Variants in ZNF705A observed in about 807,000 individuals in gnomAD.
The protein encoded by ZNF705A is zinc finger protein 705A.
In ZNF705A, 8 loss-of-function variants were observed where a neutral mutation model predicts 16.6. The observed-to-expected ratio is 0.48, with a 90% CI of 0.28 to 0.87. The LOEUF is 0.87. Ranked by LOEUF, ZNF705A falls within the 40% of genes least tolerant of loss-of-function variation. ZNF705A has a pLI of 0.10. For synonymous variants in ZNF705A, 73 were observed against 117.3 expected (o/e 0.62, Z 2.44); for missense variants, 233 against 359.9 (o/e 0.65, Z 2.85).
rs1237823992 is a variant in ZNF705A, at chr12:8,167,115, C to T, written c.-71-5440C>T. 3.9e-5 allele frequency among the ~76,000 whole-genome samples: 6 copies of T among 152,244 alleles called. No individual in the cohort carries two copies. In the East Asian group the frequency reaches 1.2e-3, roughly 29 times the overall value. On this transcript the variant is annotated intron_variant, in intron 1 of 5. Coordinates refer to the ZNF705A transcript ENST00000396570. ...CATTGAAACTTTTTATATCTATTCA[C>T]CTTCCATTTGTTTTCAAGTCCAGTT...
At chr12:8,167,798 G>A (rs940228749), upstream of ZNF705A, among the ~76,000 whole-genome samples, 17 of 152,282 alleles carry the variant, frequency 1.1e-4, no homozygotes, top group African/African-American at 3.1e-4. Flanking sequence ...GGCATACAGC[G>A]GAAAAAGAGA....
intron 1 of ZNF705A, among the ~76,000 whole-genome samples, chr12:8,157,963 T>C (rs1948323385): frequency 6.6e-6 from 1 of 152,088 alleles, no homozygotes; most frequent in Admixed American, 6.6e-5. Flanking sequence ...GGTACACAAT[T>C]GTTTGTCAGG....
upstream of ZNF705A, among the ~76,000 whole-genome samples, chr12:8,169,885 C>T (rs1948430662): frequency 6.6e-6 from 1 of 152,080 alleles, no homozygotes; most frequent in Non-Finnish European, 1.5e-5. Flanking sequence ...TGGCTCCTTC[C>T]TCATGACTTT....
chr12:8,164,965 G>GCCAC, intron 1 of ZNF705A, among the ~76,000 whole-genome samples: 1 of 152,112 alleles, frequency 6.6e-6, no homozygotes, highest in African/African-American at 2.4e-5. Context: ...GTGTAAAAGT[G>GCCAC]TTCTTATATC....
chr12:8,163,374 C>T (rs1196481516), intron 1 of ZNF705A, among the ~76,000 whole-genome samples: 1 of 152,048 alleles, frequency 6.6e-6, no homozygotes, highest in African/African-American at 2.4e-5. Context: ...TCTTAGTCTA[C>T]ATCTAATAAA....
At chr12:8,170,173 G>C (rs1247849306), upstream of ZNF705A, among the ~76,000 whole-genome samples, 4 of 134,616 alleles carry the variant, frequency 3.0e-5, no homozygotes, top group Non-Finnish European at 6.0e-5. Context: ...TGGGCAACAA[G>C]AGCGAAACTC....
At chr12:8,162,308 G>A (rs1346148818) in intron 1 of ZNF705A, among the ~76,000 whole-genome samples, 1 of 152,130 alleles carries the variant, frequency 6.6e-6, no homozygotes, top group African/African-American at 2.4e-5. Context: ...ACTAAATCAA[G>A]TCTTAAAATT....
exon 4 of ZNF705A, chr12:8,175,900 G>T: frequency 6.2e-7 from 1 of 1,611,526 alleles, no homozygotes; most frequent in Non-Finnish European, 8.5e-7. Flanking sequence ...TGATATCCAT[G>T]CATCCTATCA....
chr12:8,170,016 C>T (rs1012703665), upstream of ZNF705A, among the ~76,000 whole-genome samples: 1 of 152,124 alleles, frequency 6.6e-6, no homozygotes, highest in Middle Eastern at 3.4e-3. Context: ...ATGGAGAAAC[C>T]CCGTCTCGAC....
At chr12:8,170,196 CA>C (rs1188328005), upstream of ZNF705A, among the ~76,000 whole-genome samples, 85 of 126,510 alleles carry the variant, frequency 6.7e-4, no homozygotes, top group Middle Eastern at 8.2e-3. Flanking sequence ...CCCCCCCCCC[CA>C]AAAAAAAAAA....
intron 1 of ZNF705A, among the ~76,000 whole-genome samples, chr12:8,159,249 C>G (rs781661563): frequency 2.0e-5 from 3 of 152,132 alleles, no homozygotes; most frequent in Non-Finnish European, 2.9e-5. Flanking sequence ...CATGACTTTG[C>G]AATTATGAAT....
chr12:8,169,854 G>A (rs972001618), upstream of ZNF705A, among the ~76,000 whole-genome samples: 19 of 152,218 alleles, frequency 1.2e-4, no homozygotes, highest in African/African-American at 4.3e-4. Context: ...AAAACATTAA[G>A]GTAATATTGA....
At chr12:8,174,757 A>G (rs1199603775) in intron 2 of ZNF705A, among the ~76,000 whole-genome samples, 4 of 152,220 alleles carry the variant, frequency 2.6e-5, no homozygotes, top group Non-Finnish European at 5.9e-5. Context: ...AATGTATTAA[A>G]TTAAATATTT....
chr12:8,172,805 C>T (rs1184191470), intron 1 of ZNF705A, among the ~76,000 whole-genome samples, 168 bp downstream of exon 2: 1 of 152,154 alleles, frequency 6.6e-6, no homozygotes, highest in Non-Finnish European at 1.5e-5. Context: ...AGGAGGCTTT[C>T]AGGTATCTGG....
chr12:8,172,952 G>A (rs1448058431), intron 1 of ZNF705A, among the ~76,000 whole-genome samples: 2 of 152,164 alleles, frequency 1.3e-5, no homozygotes, highest in Non-Finnish European at 2.9e-5. Flanking sequence ...GATATGAGAG[G>A]TTTCATTTAT....
At chr12:8,175,879 G>T (rs1038814857) in exon 4 of ZNF705A, 5 of 1,611,230 alleles carry the variant, frequency 3.1e-6, no homozygotes, top group Non-Finnish European at 4.2e-6. Flanking sequence ...GTGCCCTTAA[G>T]AAAAAACACA....
At chr12:8,176,868 C>A in intron 4 of ZNF705A, 131 bp from the exon 6 acceptor site, 3 of 1,386,436 alleles carry the variant, frequency 2.2e-6, no homozygotes, top group Non-Finnish European at 2.9e-6. Context: ...TTTCCTTTCA[C>A]ACAAGAAACA....
exon 5 of ZNF705A, chr12:8,177,494 A>G (rs1300792427): frequency 6.2e-7 from 1 of 1,612,234 alleles, no homozygotes; most frequent in Non-Finnish European, 8.5e-7. Context: ...CTCTGGCTTT[A>G]GAGGAAACAA....
intron 1 of ZNF705A, among the ~76,000 whole-genome samples, chr12:8,164,572 T>G (rs1287401224): frequency 6.6e-6 from 1 of 152,206 alleles, no homozygotes; most frequent in Admixed American, 6.5e-5. Flanking sequence ...ACTTGTAAGT[T>G]AGAATGTGCA....
Sources: allele counts gnomAD v4.1 joint callset (sites outside exome capture counted in the v4.1 genomes callset), GRCh38; gene constraint gnomAD v4.1.1; transcripts MANE v1.5; gene names NCBI Gene and HGNC (gene_info 2026-07-23, HGNC 2026-07-21).